Variants in FOXR1 observed in about 807,000 individuals in gnomAD.
FOXR1 encodes forkhead box protein R1.
In FOXR1, 25 loss-of-function variants were observed where a neutral mutation model predicts 34.5. That is an observed-to-expected ratio of 0.72 (90% confidence interval 0.53 to 1.01). The LOEUF is 1.01. FOXR1 is among the 50% of genes least tolerant of loss of function. FOXR1 has a pLI of 0.00. For missense variants in FOXR1, 373 were observed against 376.2 expected (o/e 0.99, Z 0.07); for synonymous variants, 153 against 141.6 (o/e 1.08, Z -0.57).
chr11:118,972,224 C>G (rs1263216910), intron 1 of FOXR1, among the ~76,000 whole-genome samples: 1 of 151,822 alleles, frequency 6.6e-6, no homozygotes, highest in African/African-American at 2.4e-5. Flanking sequence ...GGGGTTCGCG[C>G]CTGACTCAAT....
In FOXR1 at chr11:118,981,076, G is replaced by A. The variant is rs574640737; in HGVS notation, c.851-132G>A. On this transcript the variant is annotated intron_variant, in intron 5 of 5. Coordinates refer to ENST00000317011, the MANE Select transcript of FOXR1 (RefSeq NM_181721.3). ...TCTACTTTCCCTGGAGCAGTGCAGGGAGGCTTCAGAGAAGAGGCAGCATTT... is the reference window on the plus strand; with the variant it reads ...TCTACTTTCCCTGGAGCAGTGCAGGAAGGCTTCAGAGAAGAGGCAGCATTT... 77 of 860,936 alleles carry A rather than the reference G, an allele frequency of 8.9e-5. 2 individuals are homozygous for A. The South Asian group carries it at 1.0e-3, about 11-fold the overall frequency. 53.3% of individuals were successfully genotyped at this position (860,936 alleles called of 1,614,324 possible). A position where few individuals can be genotyped will look rare whatever the true frequency, so the allele number is the denominator to read the frequency against.
At chr11:118,973,541 A>G (rs1002041028) in intron 1 of FOXR1, among the ~76,000 whole-genome samples, 1 of 152,004 alleles carries the variant, frequency 6.6e-6, no homozygotes, top group Non-Finnish European at 1.5e-5. Context: ...CTGGGACTAC[A>G]GGCACGCGCT....
chr11:118,979,482 C>T lies in FOXR1; in HGVS notation c.425C>T (p.Ser142Phe). The T allele has an allele frequency of 6.2e-7, 1 of 1,612,594 alleles. No homozygotes were observed. Among genetic ancestry groups the T allele is most frequent in the Non-Finnish European group, 8.5e-7 (1 of 1,179,284 alleles). The change falls in exon 4 of 6, where the codon TCC (serine) becomes TTC (phenylalanine). Residue 142 changes from serine to phenylalanine, a missense_variant. Coordinates refer to ENST00000317011, the MANE Select transcript of FOXR1 (RefSeq NM_181721.3). Reference sequence around the variant, plus strand: ...GAGGCTGAGGACCAGGAAGACAGCTCCTCTATGGCTCTCCCATCCCCTCAC... The same window carrying T: ...GAGGCTGAGGACCAGGAAGACAGCTTCTCTATGGCTCTCCCATCCCCTCAC... Reference protein sequence around the residue: ...EEEAEDQEDSSSMALPSPHKR... With the variant: ...EEEAEDQEDSFSMALPSPHKR...
Position 118,979,653 on chromosome 11 carries a change from T to G in FOXR1, c.596T>G (p.Ile199Ser). 1.2e-6 allele frequency: 2 copies of G among 1,604,218 alleles called. No individual in the cohort carries two copies. Among genetic ancestry groups the G allele is most frequent in the Non-Finnish European group, 1.7e-6 (2 of 1,175,070 alleles). Residue 199 changes from isoleucine (I) to serine (S), a missense_variant, in exon 4 of 6, where the codon ATC becomes AGC. Physicochemically the swap from Ile to Ser is moderately radical, Grantham distance 142. Coordinates refer to ENST00000317011, the MANE Select transcript of FOXR1 (RefSeq NM_181721.3). ...CCCTGTGGCCTCAACGTGCAACAGA[T>G]CTACAGTTTCACTCGGTATGTGCCG... Reference protein sequence around the residue: ...SSPCGLNVQQIYSFTRKHFPF... With the variant: ...SSPCGLNVQQSYSFTRKHFPF...
At chr11:118,980,270 A>G in intron 4 of FOXR1, 1 of 689,950 alleles carries the variant, frequency 1.4e-6, no homozygotes, top group East Asian at 2.8e-5. Flanking sequence ...GCTGTGGTCC[A>G]AGCCCTGGGC....
chr11:118,973,694 C>T (rs191210795), intron 1 of FOXR1, among the ~76,000 whole-genome samples: 174 of 119,698 alleles, frequency 1.5e-3, no homozygotes, highest in African/African-American at 4.6e-3. Flanking sequence ...CGCACCCGGC[C>T]TTCTTTTTTT....
chr11:118,972,064 G>A (rs1299473920), intron 1 of FOXR1, 72 bp downstream of exon 1: 2 of 1,279,556 alleles, frequency 1.6e-6, no homozygotes, highest in African/African-American at 6.9e-5. Context: ...CGGGACCCCG[G>A]GGCAGACGGC....
chr11:118,976,480 G>A (rs1427191670), intron 1 of FOXR1, among the ~76,000 whole-genome samples: 1 of 152,234 alleles, frequency 6.6e-6, no homozygotes, highest in African/African-American at 2.4e-5. Context: ...GGGATTACAG[G>A]CATGAGCCGC....
chr11:118,978,582 G>A (rs1259893097), intron 1 of FOXR1, among the ~76,000 whole-genome samples, 200 bp from the exon 2 acceptor site: 1 of 152,080 alleles, frequency 6.6e-6, no homozygotes, highest in African/African-American at 2.4e-5. Flanking sequence ...GATAGTATAC[G>A]TAGAGTGAGA....
chr11:118,980,567 G>C lies in FOXR1; in HGVS notation c.689G>C (p.Ser230Thr). 1.2e-6 allele frequency: 2 copies of C among 1,614,264 alleles called. No homozygotes were observed. Among genetic ancestry groups the C allele is most frequent in the Non-Finnish European group, 1.7e-6 (2 of 1,180,052 alleles). Reference protein sequence around the residue: ...TVRHNLCFRDSFEKVPVSMQG... With the variant: ...TVRHNLCFRDTFEKVPVSMQG... ...CGTCACAATCTCTGTTTTCGAGACA[G>C]CTTTGAGAAAGTGCCTGTCAGCATG... Residue 230 changes from serine (S) to threonine (T), a missense_variant, in exon 5 of 6, where the codon AGC becomes ACC. Ser to Thr is a moderately conservative substitution (Grantham distance 58). Coordinates refer to ENST00000317011, the MANE Select transcript of FOXR1 (RefSeq NM_181721.3).
At chr11:118,978,913 C>T (rs781895460) in intron 2 of FOXR1, 44 bp from the exon 3 acceptor site, 2 of 1,613,926 alleles carry the variant, frequency 1.2e-6, no homozygotes, top group South Asian at 1.1e-5. Context: ...CCAGGGGCAC[C>T]CAAAGCCAGT....
rs150635174 is a variant in FOXR1 at position 118,980,618 on chromosome 11, G to A, written c.740G>A (p.Arg247Gln). 6.2e-7 allele frequency: 1 copy of A among 1,614,232 alleles called. No homozygotes were observed. The highest frequency in any genetic ancestry group is 8.5e-7 in the Non-Finnish European group (1 of 1,180,048). ...CAGGGCGGGGCCAGCACACGGCCTC[G>A]ATCTTGCCTCTGGAAGTTGACCGAG... ...SMQGGASTRP[R>Q]SCLWKLTEEG... Residue 247 changes from arginine (R) to glutamine (Q), a missense_variant, in exon 5 of 6, where the codon CGA becomes CAA. Physicochemically the swap from Arg to Gln is conservative, Grantham distance 43 (BLOSUM62 1). Transcript: ENST00000317011.
chr11:118,979,218 G>C lies in FOXR1; in HGVS notation c.384+14G>C. ...AGCACCTGGGAGGTATGCATTTTTGGGGATGGGAGTGGGACTTGGGCAGTA... is the reference window on the plus strand; with the variant it reads ...AGCACCTGGGAGGTATGCATTTTTGCGGATGGGAGTGGGACTTGGGCAGTA... On this transcript the variant is annotated intron_variant, in intron 3 of 5. Transcript: ENST00000317011. 6.6e-7 allele frequency: 1 copy of C among 1,516,312 alleles called. No homozygotes were observed. Among genetic ancestry groups the C allele is most frequent in the Non-Finnish European group, 8.8e-7 (1 of 1,135,622 alleles). The allele number at this position is 1,516,312 out of a possible 1,614,324, so 93.9% of individuals were successfully genotyped here.
At chr11:118,976,689 G>A (rs951606202) in intron 1 of FOXR1, among the ~76,000 whole-genome samples, 1 of 152,198 alleles carries the variant, frequency 6.6e-6, no homozygotes, top group Non-Finnish European at 1.5e-5. Context: ...AACAAGGGCT[G>A]CTCCAGTTGA....
At position 118,979,509 on chromosome 11, in the gene FOXR1, A is replaced by C. The variant is rs782207324; in HGVS notation, c.452A>C (p.Lys151Thr). Residue 151 changes from lysine (K) to threonine (T), a missense_variant, in exon 4 of 6, where the codon AAA becomes ACA. By Grantham distance (78) the Lys-to-Thr change is moderately conservative. Coordinates refer to ENST00000317011, the MANE Select transcript of FOXR1 (RefSeq NM_181721.3). ...TCTATGGCTCTCCCATCCCCTCACA[A>C]AAGGGCCCCCCTCCAGAGTCGGAGG... ...SSSMALPSPH[K>T]RAPLQSRRLR... 3.1e-6 allele frequency: 5 copies of C among 1,613,400 alleles called. No homozygotes were observed. Among genetic ancestry groups the C allele is most frequent in the Non-Finnish European group, 4.2e-6 (5 of 1,179,662 alleles).
intron 1 of FOXR1, among the ~76,000 whole-genome samples, chr11:118,977,039 AC>A (rs1483211536): frequency 6.6e-6 from 1 of 151,918 alleles, no homozygotes; most frequent in African/African-American, 2.4e-5. Flanking sequence ...CTATGTTAGA[AC>A]TTTTTTTTGA....
intron 1 of FOXR1, 137 bp downstream of exon 1, chr11:118,972,129 G>GGC (rs1216648395): frequency 5.5e-6 from 2 of 361,470 alleles, no homozygotes; most frequent in Non-Finnish European, 8.5e-6. Flanking sequence ...AGCGCCCCGC[G>GGC]CCCCCCCCCC....
In FOXR1 at chr11:118,979,629, CCT is replaced by C. The variant is rs1487853058; in HGVS notation, c.573_574del (p.Cys192TrpfsTer40). 3.7e-6 allele frequency: 6 copies of C among 1,611,064 alleles called. No individual in the cohort carries two copies. The highest frequency in any genetic ancestry group is 5.1e-6 in the Non-Finnish European group (6 of 1,178,586). On this transcript the variant is annotated frameshift_variant, in exon 4 of 6. Transcript: ENST00000317011. LOFTEE classifies it high-confidence loss of function. ...GCCCTGGCATTAAGAAACAGTTCCC[CCT>C]GTGGCCTCAACGTGCAACAGATCTA...
rs549072367 is a variant in FOXR1, at chr11:118,976,098, C to T, written c.62-2684C>T. Reference sequence around the variant, plus strand: ...TTTATGTGGTGCATAAATGAGGTTACGGAGAGGTTGCAGTTGTTGGTTTAG... The same window carrying T: ...TTTATGTGGTGCATAAATGAGGTTATGGAGAGGTTGCAGTTGTTGGTTTAG... On this transcript the variant is annotated intron_variant, in intron 1 of 5. Transcript: ENST00000317011. Among the ~76,000 whole-genome samples the T allele has an allele frequency of 2.4e-4, 36 of 152,284 alleles. No homozygotes were observed. The South Asian group carries it at 5.4e-3, about 23-fold the overall frequency.
Sources: gnomAD v4.1 joint callset for allele counts (sites outside exome capture counted in the v4.1 genomes callset) on GRCh38, gnomAD v4.1.1 for gene constraint, MANE v1.5 for transcripts, NCBI Gene and HGNC (gene_info 2026-07-23, HGNC 2026-07-21) for gene names.